The following VPS45 variants were observed in gnomAD, a reference collection of about 807,000 sequenced individuals.
VPS45 encodes the protein vacuolar protein sorting-associated protein 45.
Under a neutral mutation model 75.9 loss-of-function variants are expected in VPS45, and 35 were observed. The ratio of observed to expected loss-of-function variants is 0.46; its 90% confidence interval spans 0.35 to 0.61. The LOEUF is 0.61. VPS45 is among the 20% of genes least tolerant of loss of function. The pLI, the probability that VPS45 is intolerant of heterozygous loss-of-function variation, is 0.00. For synonymous variants in VPS45, 220 were observed against 238.2 expected, an observed-to-expected ratio of 0.92 and a Z score of 0.70; for missense variants, 559 against 685.9, an observed-to-expected ratio of 0.81 and a Z score of 2.07.
chr1:150,088,439 A>ATG (rs1656137066), intron 10 of VPS45, among the ~76,000 whole-genome samples: 1 of 134,492 alleles, frequency 7.4e-6, no homozygotes, highest in South Asian at 2.3e-4. Flanking sequence ...TAATAAATAT[A>ATG]TATATATATA....
rs1659203125 is a variant in VPS45, at chr1:150,137,994, C to CTCTT, written c.1626-6711_1626-6708dup. Among the ~76,000 whole-genome samples, 4 of 150,758 alleles carry CTCTT rather than the reference C, an allele frequency of 2.7e-5. No individual in the cohort carries two copies. In the South Asian group the frequency reaches 8.4e-4, roughly 32 times the overall value. ...TAAAAGCCCTCTCTTAACCCCCTTA[C>CTCTT]TCTTTCTAGGCTCCATCTCATTTCT... On this transcript the variant is annotated intron_variant, in intron 14 of 14. Coordinates refer to ENST00000644510, the MANE Select transcript of VPS45 (RefSeq NM_007259.5).
Position 150,144,741 on chromosome 1 carries a change from A to ACAGC in VPS45, c.1660_1663dup (p.Arg555GlnfsTer60). The ACAGC allele has an allele frequency of 6.2e-7, 1 of 1,614,200 alleles. No individual in the cohort carries two copies. Among genetic ancestry groups the ACAGC allele is most frequent in the Non-Finnish European group, 8.5e-7 (1 of 1,180,032 alleles). On this transcript the variant is annotated frameshift_variant, in exon 15 of 15. Transcript: ENST00000644510. LOFTEE classifies it high-confidence loss of function. ...GAGGAAGTTCTGGCTTCTGGACTGCACAGCCGAAGCAAGGAGAGCTCTCAA... is the reference window on the plus strand; with the variant it reads ...GAGGAAGTTCTGGCTTCTGGACTGCACAGCCAGCCGAAGCAAGGAGAGCTCTCAA...
intron 14 of VPS45, among the ~76,000 whole-genome samples, chr1:150,140,150 C>T (rs1355250701): frequency 2.0e-5 from 3 of 151,938 alleles, no homozygotes; most frequent in Admixed American, 6.6e-5. Flanking sequence ...GTGATCCTCC[C>T]GCCTTGGCCT....
intron 4 of VPS45, 150 bp from the exon 5 acceptor site, chr1:150,076,766 G>T: frequency 1.4e-6 from 1 of 730,204 alleles, no homozygotes; most frequent in South Asian, 1.8e-5. Flanking sequence ...GTTGACTGTT[G>T]TTACCCAATT....
chr1:150,115,956 G>T (rs1553808225), intron 14 of VPS45, among the ~76,000 whole-genome samples: 1 of 152,072 alleles, frequency 6.6e-6, no homozygotes, highest in Non-Finnish European at 1.5e-5. Flanking sequence ...GCTAAGTTTT[G>T]GTTCCCTTTT....
rs781971789 is a variant in VPS45 at position 150,092,057 on chromosome 1, G to GAATTCCTGAGGAAC, written c.1226_1227insATTCCTGAGGAACA (p.Asp409GlufsTer53). ...CAATAGCCTGCCAGGACTAATGATG[G>GAATTCCTGAGGAAC]ACCTCAGGAATAAAGGTGTTTCTGA... On this transcript the variant is annotated frameshift_variant, in exon 11 of 15. Coordinates refer to ENST00000644510, the MANE Select transcript of VPS45 (RefSeq NM_007259.5). LOFTEE classifies it high-confidence loss of function. The GAATTCCTGAGGAAC allele has an allele frequency of 9.3e-6, 15 of 1,614,078 alleles. No individual in the cohort carries two copies. The highest frequency in any genetic ancestry group is 6.7e-5 in the Admixed American group (4 of 60,016).
chr1:150,143,431 C>A (rs1052461445), intron 14 of VPS45, among the ~76,000 whole-genome samples: 6 of 151,852 alleles, frequency 4.0e-5, no homozygotes, highest in African/African-American at 7.3e-5. Context: ...TCTACTAAAA[C>A]TACAAAAATT....
intron 7 of VPS45, among the ~76,000 whole-genome samples, chr1:150,077,996 AC>A (rs1553798519): frequency 6.6e-6 from 1 of 151,922 alleles, no homozygotes; most frequent in African/African-American, 2.4e-5. Flanking sequence ...TTCTGCCAGT[AC>A]CTCCACCCCT....
rs1553798205 is a variant in VPS45, at chr1:150,076,911, T to C, written c.370-5T>C. The C allele has an allele frequency of 6.2e-7, 1 of 1,614,000 alleles. No homozygotes were observed. On this transcript the variant is annotated splice_region_variant and splice_polypyrimidine_tract_variant and intron_variant, in intron 4 of 14. Transcript: ENST00000644510. The stretch of plus-strand genomic sequence containing the variant: ...GAATGACTATTCTTGGTGCTTTATT[T>C]GCAGGAATTTTATGGTGATTACATT...
intron 13 of VPS45, among the ~76,000 whole-genome samples, chr1:150,108,566 A>C (rs1356954934): frequency 4.6e-5 from 7 of 152,212 alleles, no homozygotes; most frequent in African/African-American, 1.7e-4. Context: ...CACAGAGATG[A>C]AGTGGGACCA....
At chr1:150,088,833 T>C (rs115754419) in intron 10 of VPS45, among the ~76,000 whole-genome samples, 3,271 of 152,240 alleles carry the variant, frequency 0.021, 95 homozygotes, top group African/African-American at 0.074. Flanking sequence ...AGGTTGATTT[T>C]ATATCTTGGC....
At chr1:150,081,839 G>C in intron 8 of VPS45, 45 bp from the exon 9 acceptor site, 1 of 1,204,354 alleles carries the variant, frequency 8.3e-7, no homozygotes, top group East Asian at 2.4e-5. Flanking sequence ...TTGTCTGAAA[G>C]TCAGACTAGT....
At chr1:150,068,032 C>G in intron 1 of VPS45, 82 bp downstream of exon 1, 2 of 1,367,232 alleles carry the variant, frequency 1.5e-6, no homozygotes, top group Non-Finnish European at 2.1e-6. Context: ...TAGGACTTAG[C>G]ATTTAATTAA....
At chr1:150,116,073 AT>A in intron 14 of VPS45, among the ~76,000 whole-genome samples, 1 of 152,316 alleles carries the variant, frequency 6.6e-6, no homozygotes, top group African/African-American at 2.4e-5. Context: ...TTATTACAAG[AT>A]AATTTTCACC....
chr1:150,138,270 T>TAAA (rs1659216715), intron 14 of VPS45, among the ~76,000 whole-genome samples: 1 of 152,092 alleles, frequency 6.6e-6, no homozygotes, highest in Non-Finnish European at 1.5e-5. Context: ...TACTTATTTT[T>TAAA]TAAAAAAAAA....
chr1:150,077,016 A>T (rs587776163), intron 5 of VPS45, 32 bp downstream of exon 5: 1 of 1,613,898 alleles, frequency 6.2e-7, no homozygotes, highest in East Asian at 2.2e-5. Flanking sequence ...TTATCAGTCG[A>T]GAGTTAATTC....
intron 13 of VPS45, among the ~76,000 whole-genome samples, chr1:150,105,473 A>G (rs1271166677): frequency 6.6e-6 from 1 of 152,202 alleles, no homozygotes; most frequent in South Asian, 2.1e-4. Flanking sequence ...TTAGGCACCA[A>G]TAACATTCAA....
At chr1:150,109,499 T>G (rs1413613628) in intron 13 of VPS45, 5 of 152,112 alleles carry the variant, frequency 3.3e-5, no homozygotes, top group African/African-American at 1.2e-4. Context: ...GAAGGAAATG[T>G]AGGGTTGGGG....
At chr1:150,094,300 G>A (rs1172962159) in intron 13 of VPS45, among the ~76,000 whole-genome samples, 1 of 151,806 alleles carries the variant, frequency 6.6e-6, no homozygotes, top group Non-Finnish European at 1.5e-5. Context: ...GTTATCTAAG[G>A]GGCTAACATA....
Sources: allele counts gnomAD v4.1 joint callset (sites outside exome capture counted in the v4.1 genomes callset), GRCh38; gene constraint gnomAD v4.1.1; transcripts MANE v1.5; gene names NCBI Gene and HGNC (gene_info 2026-07-23, HGNC 2026-07-21).